Variants in TSPAN7 observed in about 807,000 individuals in gnomAD.
The protein encoded by TSPAN7 is tetraspanin-7.
A neutral mutation model predicts 17.6 loss-of-function variants in TSPAN7; 1 was observed. The observed-to-expected ratio is 0.06, with a 90% CI of 0.02 to 0.27. TSPAN7 has a LOEUF of 0.27. Ranked by LOEUF, TSPAN7 falls within the 10% of genes least tolerant of loss-of-function variation. The probability of loss-of-function intolerance (pLI) is 1.00; values close to 1 mark genes in which losing one functional copy is unlikely to be tolerated. For synonymous variants in TSPAN7, 78 were observed against 79.0 expected (o/e 0.99, Z 0.07); for missense variants, 112 against 201.7 (o/e 0.56, Z 2.69).
intron 1 of TSPAN7, among the ~76,000 whole-genome samples, chrX:38,627,365 C>A (rs2069527910): frequency 8.9e-6 from 1 of 111,806 alleles, no homozygotes; most frequent in African/African-American, 3.3e-5. Flanking sequence ...CTCCGAGCCT[C>A]CTCAGAGGAA....
chrX:38,666,290 G>T lies in TSPAN7; in HGVS notation c.251G>T (p.Ser84Ile). ...LFGCFATCRG[S>I]PWMLKLYAMF... ...GGATGCTTTGCTACATGTCGTGGTAGCCCATGGATGCTGAAACTGGTGAGT... is the reference window on the plus strand; with the variant it reads ...GGATGCTTTGCTACATGTCGTGGTATCCCATGGATGCTGAAACTGGTGAGT... The change falls in exon 2 of 8, where the codon AGC becomes ATC. Residue 84 changes from serine (S) to isoleucine (I), a missense_variant. Physicochemically the swap from Ser to Ile is moderately radical, Grantham distance 142. Transcript: ENST00000378482. 2 of 1,211,499 alleles carry T rather than the reference G, an allele frequency of 1.7e-6. No individual in the cohort carries two copies. The highest frequency in any genetic ancestry group is 2.2e-6 in the Non-Finnish European group (2 of 895,195).
intron 1 of TSPAN7, among the ~76,000 whole-genome samples, chrX:38,652,472 A>G (rs1315357001): frequency 2.7e-5 from 3 of 112,180 alleles, no homozygotes; most frequent in African/African-American, 6.5e-5. Context: ...GGCAGTGCCT[A>G]TTATTAGAAA....
chrX:38,650,876 G>A (rs1224306606), intron 1 of TSPAN7, among the ~76,000 whole-genome samples: 1 of 110,306 alleles, frequency 9.1e-6, no homozygotes, highest in African/African-American at 3.3e-5. Flanking sequence ...CTTGACTATT[G>A]CATCTCTCTA....
intron 1 of TSPAN7, among the ~76,000 whole-genome samples, chrX:38,589,400 A>G (rs2069277975): frequency 1.8e-5 from 2 of 112,040 alleles, no homozygotes; most frequent in Admixed American, 1.9e-4. Flanking sequence ...TTTTACTAAT[A>G]TAAGATTATG....
chrX:38,586,564 G>A (rs765465662), intron 1 of TSPAN7, among the ~76,000 whole-genome samples: 1 of 111,935 alleles, frequency 8.9e-6, no homozygotes, highest in African/African-American at 3.2e-5. Flanking sequence ...ACTAAATGTT[G>A]AACTCAGGGA....
At chrX:38,667,352 A>G (rs921485744) in intron 2 of TSPAN7, among the ~76,000 whole-genome samples, 1 of 112,601 alleles carries the variant, frequency 8.9e-6, no homozygotes, top group African/African-American at 3.2e-5. Flanking sequence ...AAAGGATTTT[A>G]TAGATAAAAA....
At chrX:38,579,311 G>A (rs1279587412) in intron 1 of TSPAN7, among the ~76,000 whole-genome samples, 1 of 110,795 alleles carries the variant, frequency 9.0e-6, no homozygotes, top group African/African-American at 3.3e-5. Flanking sequence ...CGGGCATGGT[G>A]GCTCACACCT....
intron 1 of TSPAN7, among the ~76,000 whole-genome samples, chrX:38,573,280 G>A (rs981893850): frequency 9.0e-6 from 1 of 111,553 alleles, no homozygotes. Flanking sequence ...AGAGAGCTGA[G>A]TTAACAGAGT....
chrX:38,651,483 A>G (rs1169034030), intron 1 of TSPAN7, among the ~76,000 whole-genome samples: 1 of 112,019 alleles, frequency 8.9e-6, no homozygotes, highest in Non-Finnish European at 1.9e-5. Flanking sequence ...GAAGTCAGTC[A>G]TAAGAGGTAT....
intron 1 of TSPAN7, among the ~76,000 whole-genome samples, chrX:38,587,165 C>T (rs1054610880): frequency 8.0e-5 from 9 of 112,170 alleles, no homozygotes; most frequent in African/African-American, 2.9e-4. Flanking sequence ...GATGGCCCTG[C>T]ACGACAAAGA....
At chrX:38,599,802 G>T (rs1157291486) in intron 1 of TSPAN7, among the ~76,000 whole-genome samples, 1 of 111,971 alleles carries the variant, frequency 8.9e-6, no homozygotes, top group African/African-American at 3.2e-5. Context: ...ATCATAGAAA[G>T]AAAGCTTTGC....
chrX:38,592,667 C>A (rs1250772217), intron 1 of TSPAN7, among the ~76,000 whole-genome samples: 2 of 110,343 alleles, frequency 1.8e-5, no homozygotes, highest in African/African-American at 6.6e-5. Flanking sequence ...TAAAATACAG[C>A]CATTTCTCCA....
chrX:38,605,234 G>A (rs2069372343), intron 1 of TSPAN7, among the ~76,000 whole-genome samples: 1 of 110,665 alleles, frequency 9.0e-6, no homozygotes, highest in African/African-American at 3.3e-5. Flanking sequence ...AAATCAATGT[G>A]CAAAAATCAC....
At chrX:38,575,234 G>T (rs1371978765) in intron 1 of TSPAN7, among the ~76,000 whole-genome samples, 2 of 111,391 alleles carry the variant, frequency 1.8e-5, no homozygotes, top group Non-Finnish European at 3.8e-5. Context: ...CCTGTCTGAT[G>T]CTTTGATCGA....
At chrX:38,665,282 A>G (rs1278752401) in intron 1 of TSPAN7, among the ~76,000 whole-genome samples, 1 of 111,753 alleles carries the variant, frequency 8.9e-6, no homozygotes, top group African/African-American at 3.3e-5. Context: ...CAAGGCTGTC[A>G]GTTTGAGTTG....
intron 1 of TSPAN7, among the ~76,000 whole-genome samples, chrX:38,637,791 C>T (rs1171028536): frequency 8.9e-6 from 1 of 112,689 alleles, no homozygotes; most frequent in Non-Finnish European, 1.9e-5. Context: ...GGAGAAGTGC[C>T]TCTGGTGTAC....
At chrX:38,668,173 C>A (rs773099210) in intron 2 of TSPAN7, among the ~76,000 whole-genome samples, 3 of 112,136 alleles carry the variant, frequency 2.7e-5, no homozygotes, top group Middle Eastern at 4.6e-3. Flanking sequence ...CCTCCTTGGA[C>A]CTTTGTCTCC....
At position 38,601,200 on chromosome X, in the gene TSPAN7, G is replaced by T. The variant is rs1172194878; in HGVS notation, c.81+39573G>T. 3.6e-5 allele frequency among the ~76,000 whole-genome samples: 4 copies of T among 111,740 alleles called. No individual in the cohort carries two copies. The East Asian group carries it at 1.1e-3, about 31-fold the overall frequency. On this transcript the variant is annotated intron_variant, in intron 1 of 7. Coordinates refer to ENST00000378482, the MANE Select transcript of TSPAN7 (RefSeq NM_004615.4). ...AAAATATGCAGTTGTTAATTAGTAAGCAGGGATACTTCGCTTTCTGGAAGT... is the reference window on the plus strand; with the variant it reads ...AAAATATGCAGTTGTTAATTAGTAATCAGGGATACTTCGCTTTCTGGAAGT...
At position 38,680,346 on chromosome X, in the gene TSPAN7, G is replaced by A. The variant is rs752424398; in HGVS notation, c.598-858G>A. On this transcript the variant is annotated intron_variant, in intron 5 of 7. Coordinates refer to ENST00000378482, the MANE Select transcript of TSPAN7 (RefSeq NM_004615.4). ...TCTTCAAATGTTATTAAAACTTAGT[G>A]TGCCATTCTTGGTAAACAAGAACCA... Among the ~76,000 whole-genome samples the A allele has an allele frequency of 4.5e-5, 5 of 110,010 alleles. No individual in the cohort carries two copies. The South Asian group carries it at 1.6e-3, about 34-fold the overall frequency.
Sources: gnomAD v4.1 joint callset for allele counts (sites outside exome capture counted in the v4.1 genomes callset) on GRCh38, gnomAD v4.1.1 for gene constraint, MANE v1.5 for transcripts, NCBI Gene and HGNC (gene_info 2026-07-23, HGNC 2026-07-21) for gene names.